Variants in SPATA1 observed in about 807,000 individuals in gnomAD.
SPATA1 encodes the protein spermatogenesis associated 1.
SPATA1 carries 57 observed loss-of-function variants against 59.6 expected under a neutral mutation model. The ratio of observed to expected loss-of-function variants is 0.96; its 90% CI spans 0.77 to 1.19. The LOEUF is 1.19. Ranked by LOEUF, SPATA1 falls within the 50% of genes most tolerant of loss-of-function variation. The pLI is 0.00. For missense variants in SPATA1, 448 were observed against 480.7 expected, an observed-to-expected ratio of 0.93 and a Z score of 0.64; for synonymous variants, 147 against 163.9, an observed-to-expected ratio of 0.90 and a Z score of 0.79.
At chr1:84,525,620 CA>C (rs972706950) in intron 4 of SPATA1, 75 bp from the exon 5 acceptor site, 14 of 1,298,498 alleles carry the variant, frequency 1.1e-5, no homozygotes, top group Admixed American at 5.3e-5. Context: ...ATGCCTTCTG[CA>C]AAAAAAGTAG....
At chr1:84,566,066 G>C in exon 5 of SPATA1, 1 of 1,130,992 alleles carries the variant, frequency 8.8e-7, no homozygotes, top group Non-Finnish European at 1.2e-6. Flanking sequence ...TGCATATTAC[G>C]TCAGATTTTT....
At chr1:84,563,883 G>A in intron 4 of SPATA1, 1 of 1,570,070 alleles carries the variant, frequency 6.4e-7, no homozygotes, top group Non-Finnish European at 8.6e-7. Flanking sequence ...ATATGTCAAT[G>A]TGTTCATACA....
chr1:84,548,927 T>C (rs1380327257), exon 11 of SPATA1: 2 of 1,598,890 alleles, frequency 1.3e-6, no homozygotes, highest in East Asian at 2.3e-5. Context: ...GAGATCAAGA[T>C]GAGACCAAAG....
chr1:84,524,905 A>T (rs946117747), intron 4 of SPATA1, among the ~76,000 whole-genome samples: 1 of 152,086 alleles, frequency 6.6e-6, no homozygotes, highest in Non-Finnish European at 1.5e-5. Context: ...ATTTTGCCTT[A>T]TTTATCATTG....
At chr1:84,509,207 A>AT (rs986906109) in intron 1 of SPATA1, among the ~76,000 whole-genome samples, 9 of 148,662 alleles carry the variant, frequency 6.1e-5, no homozygotes, top group Admixed American at 4.0e-4. Flanking sequence ...TGGTACTGGC[A>AT]TAAAAAAAAA....
At chr1:84,560,296 C>A (rs1684566493) in intron 4 of SPATA1, among the ~76,000 whole-genome samples, 1 of 152,016 alleles carries the variant, frequency 6.6e-6, no homozygotes, top group Non-Finnish European at 1.5e-5. Flanking sequence ...GAAATTAAGA[C>A]CCTCATTCCA....
chr1:84,552,997 T>C (rs971131364), intron 12 of SPATA1: 20 of 1,304,700 alleles, frequency 1.5e-5, no homozygotes, highest in Non-Finnish European at 2.1e-5. Flanking sequence ...TAGAAGGGTA[T>C]GATGAAGTTC....
intron 3 of SPATA1, among the ~76,000 whole-genome samples, chr1:84,522,042 A>G (rs999048816): frequency 2.6e-5 from 4 of 152,228 alleles, no homozygotes; most frequent in African/African-American, 9.6e-5. Context: ...CTGTGGCTAA[A>G]TCATTCATTG....
intron 1 of SPATA1, among the ~76,000 whole-genome samples, chr1:84,511,727 G>A (rs1682570763): frequency 7.2e-6 from 1 of 139,378 alleles, no homozygotes; most frequent in African/African-American, 2.8e-5. Context: ...TGTTGCCCAG[G>A]CTAGAGTGCA....
exon 13 of SPATA1, chr1:84,553,450 C>T (rs1684336380): frequency 6.6e-6 from 1 of 152,622 alleles, no homozygotes; most frequent in Admixed American, 6.6e-5. Context: ...AATCTATTTG[C>T]AAAGAATAAA....
chr1:84,514,655 C>T (rs1682717389), intron 1 of SPATA1, among the ~76,000 whole-genome samples: 1 of 152,080 alleles, frequency 6.6e-6, no homozygotes, highest in South Asian at 2.1e-4. Flanking sequence ...ACTGATCTAT[C>T]TTGAGTTTGT....
chr1:84,560,116 AGAAAGAAAGAAAGAAAG>A (rs1489711068), intron 4 of SPATA1, among the ~76,000 whole-genome samples: 5 of 150,110 alleles, frequency 3.3e-5, no homozygotes, highest in Admixed American at 1.3e-4. Context: ...AAAGAAAGAA[AGAAAGAAAGAAAGAAAG>A]GAAAGAAAGA....
At chr1:84,539,779 T>G (rs1006157047) in intron 8 of SPATA1, among the ~76,000 whole-genome samples, 1 of 152,212 alleles carries the variant, frequency 6.6e-6, no homozygotes, top group African/African-American at 2.4e-5. Context: ...ACATCAAGTA[T>G]TCCATATTCT....
At chr1:84,544,572 T>C (rs1004622805) in intron 9 of SPATA1, among the ~76,000 whole-genome samples, 6 of 141,526 alleles carry the variant, frequency 4.2e-5, no homozygotes, top group African/African-American at 1.9e-4. Context: ...TTTTATTTTA[T>C]TTTTTTTAGA....
chr1:84,516,153 ATGTC>A (rs1400572949), intron 1 of SPATA1, 66 bp from the exon 2 acceptor site: 2 of 485,400 alleles, frequency 4.1e-6, no homozygotes, highest in African/African-American at 4.1e-5. Context: ...GATTGTATAT[ATGTC>A]TAAGTTTTCA....
chr1:84,514,886 G>C (rs974601422), intron 1 of SPATA1, among the ~76,000 whole-genome samples: 1 of 152,042 alleles, frequency 6.6e-6, no homozygotes, highest in African/African-American at 2.4e-5. Flanking sequence ...CAGGAGAATC[G>C]CTTGAACCTG....
chr1:84,506,925 T>C (rs1055894801), intron 1 of SPATA1: 5 of 152,272 alleles, frequency 3.3e-5, no homozygotes, highest in Non-Finnish European at 7.3e-5. Flanking sequence ...ACCTGTCTGC[T>C]CGGTTACCCA....
intron 6 of SPATA1, 64 bp from the exon 7 acceptor site, chr1:84,532,796 C>G (rs1024937707): frequency 8.7e-7 from 1 of 1,149,648 alleles, no homozygotes; most frequent in Non-Finnish European, 1.3e-6. Flanking sequence ...TAAAAACAAA[C>G]GTTTATTTTA....
At chr1:84,516,259 A>G in exon 2 of SPATA1, 1 of 1,105,566 alleles carries the variant, frequency 9.0e-7, no homozygotes, top group Non-Finnish European at 1.2e-6. Context: ...TTAAGCCAAA[A>G]AAAACTATTA....
Sources: allele counts gnomAD v4.1 joint callset (sites outside exome capture counted in the v4.1 genomes callset), GRCh38; gene constraint gnomAD v4.1.1; transcripts MANE v1.5; gene names NCBI Gene and HGNC (gene_info 2026-07-23, HGNC 2026-07-21).